The following RAD54B variants were observed in gnomAD, a reference collection of about 807,000 sequenced individuals.
RAD54B encodes the protein RAD54 homolog B.
RAD54B carries 78 observed loss-of-function variants against 95.8 expected under a neutral mutation model. The ratio of observed to expected loss-of-function variants is 0.81; its 90% CI spans 0.68 to 0.98. The LOEUF (loss-of-function observed/expected upper bound fraction) is 0.98. Among genes scored for constraint, RAD54B ranks in the 50% least tolerant of loss-of-function variants. RAD54B has a pLI of 0.00. For synonymous variants in RAD54B, 328 were observed against 354.9 expected, an observed-to-expected ratio of 0.92 and a Z score of 0.85; for missense variants, 957 against 1,056.6, an observed-to-expected ratio of 0.91 and a Z score of 1.31.
chr8:94,465,630 C>A (rs1233346651), intron 2 of RAD54B, among the ~76,000 whole-genome samples: 1 of 152,096 alleles, frequency 6.6e-6, no homozygotes, highest in East Asian at 1.9e-4. Context: ...CACAGAATTA[C>A]CATAATACCC....
intron 2 of RAD54B, among the ~76,000 whole-genome samples, chr8:94,459,051 T>A (rs1262033059): frequency 1.3e-5 from 2 of 152,140 alleles, no homozygotes; most frequent in Admixed American, 1.3e-4. Flanking sequence ...CATAATAAAA[T>A]GCTCTTTTTC....
At chr8:94,462,749 G>A (rs918654761) in intron 2 of RAD54B, among the ~76,000 whole-genome samples, 5 of 152,044 alleles carry the variant, frequency 3.3e-5, no homozygotes, top group Admixed American at 6.5e-5. Context: ...GCTTAAAATT[G>A]CTGTATAATT....
At chr8:94,376,708 G>A (rs571323977) in intron 14 of RAD54B, among the ~76,000 whole-genome samples, 1 of 148,118 alleles carries the variant, frequency 6.8e-6, no homozygotes, top group Non-Finnish European at 1.5e-5. Flanking sequence ...TATATATTGT[G>A]CATGATTATA....
intron 3 of RAD54B, among the ~76,000 whole-genome samples, chr8:94,418,174 G>T (rs567656976): frequency 6.6e-6 from 1 of 152,076 alleles, no homozygotes; most frequent in East Asian, 1.9e-4. Context: ...TGTTATTGTG[G>T]ATATATTTCT....
Position 94,391,813 on chromosome 8 carries a change from T to C in RAD54B, c.1605A>G (p.Ile535Met), listed in dbSNP as rs1466849498. 2 of 1,613,988 alleles carry C rather than the reference T, an allele frequency of 1.2e-6. No homozygotes were observed. The highest frequency in any genetic ancestry group is 3.3e-5 in the Admixed American group (2 of 60,012). Residue 535 changes from isoleucine to methionine, a missense_variant, in exon 10 of 15, where the codon ATA (isoleucine) becomes ATG (methionine). Ile to Met is a conservative substitution (Grantham distance 10). Coordinates refer to ENST00000336148, the MANE Select transcript of RAD54B (RefSeq NM_012415.3). ...LFILRRTQEI[I>M]NKYLPPKIEN... ...CTATTTTAGGTGGGAGATATTTATTTATAATTTCTTGGGTTCTTCTAAGGA... is the reference window on the plus strand; with the variant it reads ...CTATTTTAGGTGGGAGATATTTATTCATAATTTCTTGGGTTCTTCTAAGGA...
chr8:94,429,405 C>T, intron 3 of RAD54B: 1 of 871,266 alleles, frequency 1.1e-6, no homozygotes. Context: ...TTTTTTAACA[C>T]AGATCTCTTT....
At chr8:94,396,274 A>AC (rs925646835) in intron 8 of RAD54B, among the ~76,000 whole-genome samples, 1 of 151,928 alleles carries the variant, frequency 6.6e-6, no homozygotes, top group Non-Finnish European at 1.5e-5. Context: ...AAAAAACTAA[A>AC]GATTTTCAAG....
intron 3 of RAD54B, among the ~76,000 whole-genome samples, chr8:94,414,379 G>A (rs1358257613): frequency 6.6e-6 from 1 of 152,194 alleles, no homozygotes; most frequent in Admixed American, 6.5e-5. Flanking sequence ...TAGGAGTGGT[G>A]AGAGAGGGCA....
At chr8:94,408,679 C>T (rs1385870144) in intron 4 of RAD54B, among the ~76,000 whole-genome samples, 3 of 151,818 alleles carry the variant, frequency 2.0e-5, no homozygotes, top group Non-Finnish European at 4.4e-5. Flanking sequence ...TTGTAATGCT[C>T]TGATATAGGA....
At chr8:94,470,339 C>G (rs1456470061) in intron 1 of RAD54B, among the ~76,000 whole-genome samples, 2 of 152,044 alleles carry the variant, frequency 1.3e-5, no homozygotes, top group African/African-American at 4.8e-5. Context: ...TGGCTCACAC[C>G]TGTAATCCCA....
At chr8:94,469,060 A>G (rs6992902) in intron 1 of RAD54B, among the ~76,000 whole-genome samples, 7,975 of 151,800 alleles carry the variant, frequency 0.053, 251 homozygotes, top group African/African-American at 0.08. Flanking sequence ...TGGGAGGCCA[A>G]AGTGGGAGGA....
Position 94,379,827 on chromosome 8 carries a change from C to T in RAD54B, c.2247+318G>A, listed in dbSNP as rs10504936. Among the ~76,000 whole-genome samples, 61,217 of 152,006 alleles carry T rather than the reference C, an allele frequency of 0.4. 12,475 individuals are homozygous for T. The highest frequency in any genetic ancestry group is 0.51 in the Admixed American group (7,788 of 15,274). ...TGTCTTCACCTGATGGTCATGAACA[C>T]CCTAAAGGCCAACTCTGCAGTAAAC... is the stretch of plus-strand genomic sequence containing the variant. On this transcript the variant is annotated intron_variant, in intron 12 of 14. Transcript: ENST00000336148.
chr8:94,378,813 A>G (rs574369595), intron 12 of RAD54B, among the ~76,000 whole-genome samples, 179 bp from the exon 13 acceptor site: 14 of 152,374 alleles, frequency 9.2e-5, no homozygotes, highest in African/African-American at 3.4e-4. Flanking sequence ...TGGCAGAAAG[A>G]AAGGGATGAG....
intron 5 of RAD54B, among the ~76,000 whole-genome samples, chr8:94,406,570 G>A (rs1285425567): frequency 2.0e-5 from 3 of 152,046 alleles, no homozygotes; most frequent in African/African-American, 7.2e-5. Flanking sequence ...TAGGTAAGTC[G>A]GTTCATCTTC....
chr8:94,436,471 A>G (rs1430235260), intron 3 of RAD54B: 4 of 1,507,856 alleles, frequency 2.7e-6, no homozygotes, highest in Admixed American at 4.7e-5. Flanking sequence ...ATAATTTTCC[A>G]TAACAAAACA....
At chr8:94,414,310 C>T (rs1008316234) in intron 3 of RAD54B, among the ~76,000 whole-genome samples, 6 of 152,104 alleles carry the variant, frequency 3.9e-5, no homozygotes, top group Admixed American at 1.3e-4. Flanking sequence ...TAATTGAATA[C>T]CCTTTATTTC....
At chr8:94,385,894 T>A (rs955590177) in intron 11 of RAD54B, among the ~76,000 whole-genome samples, 1 of 152,134 alleles carries the variant, frequency 6.6e-6, no homozygotes, top group Non-Finnish European at 1.5e-5. Flanking sequence ...CCACATGGTA[T>A]GTGTGAAGGA....
intron 6 of RAD54B, among the ~76,000 whole-genome samples, 198 bp downstream of exon 6, chr8:94,403,879 A>G (rs199515910): frequency 4.6e-5 from 2 of 43,696 alleles, no homozygotes; most frequent in South Asian, 1.2e-3. Context: ...TCCTAGCAGT[A>G]TGTTTGGCAC....
chr8:94,372,074 G>C lies in RAD54B; in HGVS notation c.*96C>G. ...AGTGATATATTTTGCAACATATACT[G>C]TAATTTAAATAATTCTATTAATTTT... On this transcript the variant is annotated 3_prime_UTR_variant, in exon 15 of 15. Coordinates refer to ENST00000336148, the MANE Select transcript of RAD54B (RefSeq NM_012415.3). The C allele has an allele frequency of 2.7e-6, 4 of 1,474,176 alleles. No homozygotes were observed. Among genetic ancestry groups the C allele is most frequent in the Non-Finnish European group, 2.7e-6 (3 of 1,119,496 alleles). 91.3% of individuals were successfully genotyped at this position (1,474,176 alleles called of 1,614,324 possible). A position where few individuals can be genotyped will look rare whatever the true frequency, so the allele number is the denominator to read the frequency against.
Sources: allele counts gnomAD v4.1 joint callset (sites outside exome capture counted in the v4.1 genomes callset), GRCh38; gene constraint gnomAD v4.1.1; transcripts MANE v1.5; gene names NCBI Gene and HGNC (gene_info 2026-07-23, HGNC 2026-07-21).